DHX40: variants seen among roughly 807,000 people sequenced by gnomAD.
The protein encoded by DHX40 is probable ATP-dependent RNA helicase DHX40.
DHX40 carries 28 observed loss-of-function variants against 89.6 expected under a neutral mutation model. The ratio of observed to expected loss-of-function variants is 0.31; its 90% CI spans 0.23 to 0.43. DHX40 has a LOEUF of 0.43. Ranked by LOEUF, DHX40 falls within the 20% of genes least tolerant of loss-of-function variation. The pLI, the probability that DHX40 is intolerant of heterozygous loss-of-function variation, is 1.00. For synonymous variants in DHX40, 226 were observed against 283.6 expected (o/e 0.80, Z 2.04); for missense variants, 457 against 844.0 (o/e 0.54, Z 5.68).
At chr17:59,570,202 TAATATATATTATATATTA>T (rs1178990174) in intron 2 of DHX40, among the ~76,000 whole-genome samples, 2 of 123,508 alleles carry the variant, frequency 1.6e-5, no homozygotes, top group African/African-American at 6.8e-5. Context: ...TAATATATTA[TAATATATATTATATATTA>T]AATATATATT....
Position 59,586,204 on chromosome 17 carries a change from A to G in DHX40, c.1395A>G (p.Lys465=). The G allele has an allele frequency of 6.3e-7, 1 of 1,589,140 alleles. No homozygotes were observed. The highest frequency in any genetic ancestry group is 2.3e-5 in the East Asian group (1 of 44,170). ...PNERLILEAL[K]QLYQCDAIDR... is the part of the protein sequence containing the mutation. ...AGAGACTTATTTTAGAAGCTCTTAA[A>G]CAACTTTACCAGTGTGATGCTATTG... is the stretch of plus-strand genomic sequence containing the variant. Residue 465 remains lysine, a synonymous_variant, in exon 11 of 18, where the codon AAA becomes AAG. Transcript: ENST00000251241.
chr17:59,606,718 C>T (rs933112104), intron 17 of DHX40, among the ~76,000 whole-genome samples: 1 of 150,704 alleles, frequency 6.6e-6, no homozygotes, highest in African/African-American at 2.4e-5. Context: ...TGCACTCCAG[C>T]CTGGGCGACA....
intron 6 of DHX40, among the ~76,000 whole-genome samples, chr17:59,574,609 T>C (rs1186823225): frequency 1.3e-5 from 2 of 149,996 alleles, no homozygotes; most frequent in African/African-American, 2.5e-5. Context: ...TTAGTAAATA[T>C]ATGTAAAACA....
intron 14 of DHX40, among the ~76,000 whole-genome samples, chr17:59,601,982 C>T (rs1350188831): frequency 2.0e-5 from 3 of 152,222 alleles, no homozygotes; most frequent in Admixed American, 6.5e-5. Context: ...GTGAAAACAC[C>T]ATGCCCTTAC....
intron 12 of DHX40, 123 bp from the exon 13 acceptor site, chr17:59,598,614 T>C: frequency 1.9e-6 from 1 of 522,630 alleles, no homozygotes; most frequent in Non-Finnish European, 3.5e-6. Flanking sequence ...TTAAGAAGAG[T>C]TAATATAGTT....
intron 10 of DHX40, among the ~76,000 whole-genome samples, chr17:59,580,701 G>T (rs1409738436): frequency 6.7e-6 from 1 of 149,478 alleles, no homozygotes; most frequent in African/African-American, 2.5e-5. Context: ...GAGACGGGAA[G>T]ATTGCTGGAG....
chr17:59,597,890 G>A (rs536761198), intron 12 of DHX40, among the ~76,000 whole-genome samples: 72 of 144,732 alleles, frequency 5.0e-4, no homozygotes, highest in African/African-American at 1.6e-3. Flanking sequence ...AGCCGAGATC[G>A]CGCCACTACA....
At chr17:59,589,378 C>A (rs1432917227) in intron 12 of DHX40, among the ~76,000 whole-genome samples, 1 of 151,472 alleles carries the variant, frequency 6.6e-6, no homozygotes, top group Non-Finnish European at 1.5e-5. Flanking sequence ...CCCGCCACAA[C>A]GCCCGGCTAA....
At chr17:59,594,334 G>C (rs907022410) in intron 12 of DHX40, among the ~76,000 whole-genome samples, 5 of 151,938 alleles carry the variant, frequency 3.3e-5, no homozygotes, top group African/African-American at 1.2e-4. Flanking sequence ...AATAAAGTTG[G>C]GCACCTCGGC....
At chr17:59,596,628 T>C (rs1191913859) in intron 12 of DHX40, among the ~76,000 whole-genome samples, 1 of 152,230 alleles carries the variant, frequency 6.6e-6, no homozygotes, top group Non-Finnish European at 1.5e-5. Context: ...AGATTAATAA[T>C]CATTTATATC....
Position 59,607,467 on chromosome 17 carries a change from A to G in DHX40, c.*295A>G. 1.7e-6 allele frequency: 1 copy of G among 588,180 alleles called. No individual in the cohort carries two copies. Among genetic ancestry groups the G allele is most frequent in the South Asian group, 2.2e-5 (1 of 45,268 alleles). The allele number at this position is 588,180 out of a possible 1,614,324, so 36.4% of individuals were successfully genotyped here. On this transcript the variant is annotated 3_prime_UTR_variant, in exon 18 of 18. Coordinates refer to ENST00000251241, the MANE Select transcript of DHX40 (RefSeq NM_024612.5). ...ATTTTGCTGGCCTTAACTGGTATCAAACGCTGTCATTGAGATGTTTTCAAA... is the reference window on the plus strand; with the variant it reads ...ATTTTGCTGGCCTTAACTGGTATCAGACGCTGTCATTGAGATGTTTTCAAA...
chr17:59,579,038 A>G (rs1461097632), intron 8 of DHX40, among the ~76,000 whole-genome samples: 1 of 139,346 alleles, frequency 7.2e-6, no homozygotes, highest in African/African-American at 2.5e-5. Context: ...GCGTGTGTAT[A>G]TATACTACAT....
chr17:59,605,416 T>TA (rs1465731677), intron 16 of DHX40, 30 bp from the exon 17 acceptor site: 2 of 1,590,494 alleles, frequency 1.3e-6, no homozygotes, highest in African/African-American at 2.7e-5. Context: ...GTTATTGAGT[T>TA]ACCATCATTA....
chr17:59,601,647 T>A (rs2030533375), intron 14 of DHX40, among the ~76,000 whole-genome samples: 1 of 152,254 alleles, frequency 6.6e-6, no homozygotes, highest in Non-Finnish European at 1.5e-5. Flanking sequence ...TTGATTTTGA[T>A]AGATGTCCTC....
chr17:59,574,404 G>A, intron 6 of DHX40, 150 bp downstream of exon 6: 1 of 469,104 alleles, frequency 2.1e-6, no homozygotes, highest in Non-Finnish European at 4.0e-6. Flanking sequence ...TTAGGTAAAA[G>A]ATAGATAAAA....
chr17:59,590,078 T>C (rs1447196119), intron 12 of DHX40, among the ~76,000 whole-genome samples: 1 of 123,436 alleles, frequency 8.1e-6, no homozygotes, highest in Non-Finnish European at 1.7e-5. Flanking sequence ...ATTTACTAAT[T>C]TTTTTTTTGT....
At chr17:59,576,617 A>G (rs1222408739) in intron 7 of DHX40, among the ~76,000 whole-genome samples, 1 of 152,104 alleles carries the variant, frequency 6.6e-6, no homozygotes, top group African/African-American at 2.4e-5. Flanking sequence ...ATAGATATCT[A>G]TTTTAGATTT....
chr17:59,568,137 A>C (rs977387492), intron 2 of DHX40, among the ~76,000 whole-genome samples: 4 of 152,168 alleles, frequency 2.6e-5, no homozygotes, highest in East Asian at 3.8e-4. Flanking sequence ...CTGAGGCGGG[A>C]GAATCACTTG....
At chr17:59,586,290 G>C in intron 11 of DHX40, 57 bp downstream of exon 11, 1 of 1,310,276 alleles carries the variant, frequency 7.6e-7, no homozygotes, top group East Asian at 2.5e-5. Context: ...TTTTTAAACA[G>C]GGCTCTAAAT....
Sources: allele counts gnomAD v4.1 joint callset (sites outside exome capture counted in the v4.1 genomes callset), GRCh38; gene constraint gnomAD v4.1.1; transcripts MANE v1.5; gene names NCBI Gene and HGNC (gene_info 2026-07-23, HGNC 2026-07-21).